Variants in PPARG observed in about 807,000 individuals in gnomAD.
The protein encoded by PPARG is peroxisome proliferator-activated receptor gamma.
PPARG carries 17 observed loss-of-function variants against 39.2 expected under a neutral mutation model. The ratio of observed to expected loss-of-function variants is 0.43; its 90% confidence interval spans 0.30 to 0.65. The LOEUF is 0.65. Ranked by LOEUF, PPARG falls within the 30% of genes least tolerant of loss-of-function variation. PPARG has a pLI of 0.13. For missense variants in PPARG, 406 were observed against 585.9 expected, an observed-to-expected ratio of 0.69 and a Z score of 3.17; for synonymous variants, 223 against 215.7, an observed-to-expected ratio of 1.03 and a Z score of -0.30.
chr3:12,367,437 A>G (rs953245911), intron 2 of PPARG, among the ~76,000 whole-genome samples: 5 of 152,162 alleles, frequency 3.3e-5, no homozygotes, highest in Admixed American at 3.3e-4. Flanking sequence ...AGCAGAAGAA[A>G]TGTTTATATT....
At chr3:12,305,341 C>T (rs555605978) in intron 1 of PPARG, among the ~76,000 whole-genome samples, 52 of 152,204 alleles carry the variant, frequency 3.4e-4, no homozygotes, top group African/African-American at 8.4e-4. Flanking sequence ...CTTTATGAGA[C>T]GAAATAAAGT....
intron 2 of PPARG, among the ~76,000 whole-genome samples, chr3:12,322,156 T>C (rs1304531101): frequency 6.6e-6 from 1 of 152,230 alleles, no homozygotes; most frequent in African/African-American, 2.4e-5. Context: ...TAAAAATACA[T>C]AGATCCCTTT....
At chr3:12,425,950 G>A (rs2125306933) in intron 7 of PPARG, among the ~76,000 whole-genome samples, 1 of 152,324 alleles carries the variant, frequency 6.6e-6, no homozygotes, top group South Asian at 2.1e-4. Flanking sequence ...TGGTGGTGCT[G>A]TTGAGTGGAG....
intron 7 of PPARG, 117 bp from the exon 8 acceptor site, chr3:12,433,781 A>G: frequency 1.3e-6 from 2 of 1,492,400 alleles, no homozygotes; most frequent in South Asian, 2.3e-5. Flanking sequence ...GATACAAAGC[A>G]AAACAAACCA....
At chr3:12,370,062 G>A (rs977604797) in intron 2 of PPARG, among the ~76,000 whole-genome samples, 1 of 152,074 alleles carries the variant, frequency 6.6e-6, no homozygotes, top group African/African-American at 2.4e-5. Context: ...CTTGGTTCTG[G>A]TGGAGAACTC....
chr3:12,291,966 C>T (rs1227020322), intron 1 of PPARG, among the ~76,000 whole-genome samples: 1 of 152,092 alleles, frequency 6.6e-6, no homozygotes, highest in African/African-American at 2.4e-5. Flanking sequence ...ATGATGTGAC[C>T]ATGACCCTGA....
Position 12,405,916 on chromosome 3 carries a change from G to A in PPARG, c.564G>A (p.Lys188=). ...TTGGGCGGATGCCACAGGCCGAGAA[G>A]GAGAAGCTGTTGGCGGAGATCTCCA... is the stretch of plus-strand genomic sequence containing the variant. The part of the protein sequence containing the change: ...IRFGRMPQAE[K]EKLLAEISSD... Residue 188 remains lysine, a synonymous_variant, in exon 6 of 8, where the codon AAG becomes AAA. Transcript: ENST00000651735. 6.2e-7 allele frequency: 1 copy of A among 1,614,170 alleles called. No individual in the cohort carries two copies. Among genetic ancestry groups the A allele is most frequent in the Non-Finnish European group, 8.5e-7 (1 of 1,180,028 alleles).
At chr3:12,424,626 T>C (rs1219106403) in intron 7 of PPARG, among the ~76,000 whole-genome samples, 3 of 152,230 alleles carry the variant, frequency 2.0e-5, no homozygotes, top group African/African-American at 2.4e-5. Flanking sequence ...TGAGGAAGAA[T>C]GAAAACCCAG....
chr3:12,367,685 C>CAAAAAA (rs1021327577), intron 2 of PPARG, among the ~76,000 whole-genome samples: 2 of 121,630 alleles, frequency 1.6e-5, no homozygotes, highest in Non-Finnish European at 3.6e-5. Flanking sequence ...CTTGCCTCTA[C>CAAAAAA]AAAAAAAAAA....
intron 2 of PPARG, among the ~76,000 whole-genome samples, chr3:12,319,962 A>G (rs192076029): frequency 2.0e-5 from 3 of 152,342 alleles, no homozygotes; most frequent in East Asian, 1.9e-4. Flanking sequence ...TTCCAAATGA[A>G]TAAATCAAAA....
At chr3:12,378,602 C>T (rs2049504487) in intron 2 of PPARG, among the ~76,000 whole-genome samples, 1 of 151,976 alleles carries the variant, frequency 6.6e-6, no homozygotes, top group South Asian at 2.1e-4. Flanking sequence ...CCACATGATC[C>T]ACGTGGAATC....
At chr3:12,422,901 AAAAG>A (rs1280682350) in intron 7 of PPARG, among the ~76,000 whole-genome samples, 242 of 152,190 alleles carry the variant, frequency 1.6e-3, no homozygotes, top group African/African-American at 5.6e-3. Flanking sequence ...AAAGAAAAGA[AAAAG>A]AAAAAAGAAT....
chr3:12,348,033 A>G (rs184638114), intron 2 of PPARG, among the ~76,000 whole-genome samples: 33 of 152,366 alleles, frequency 2.2e-4, no homozygotes, highest in African/African-American at 7.2e-4. Context: ...CACACAAAAG[A>G]AAAAGCTATT....
chr3:12,329,239 T>A (rs983739924), intron 2 of PPARG, among the ~76,000 whole-genome samples: 4 of 151,080 alleles, frequency 2.6e-5, no homozygotes, highest in Admixed American at 6.6e-5. Context: ...CTGATGTCAA[T>A]CACTCATTGT....
chr3:12,289,462 A>G (rs1370079821), intron 1 of PPARG, among the ~76,000 whole-genome samples: 3 of 152,214 alleles, frequency 2.0e-5, no homozygotes, highest in Non-Finnish European at 2.9e-5. Context: ...GTTGTATAAT[A>G]CCTATTCCTG....
intron 2 of PPARG, among the ~76,000 whole-genome samples, chr3:12,375,253 A>G (rs866039518): frequency 6.6e-6 from 1 of 152,034 alleles, no homozygotes; most frequent in Non-Finnish European, 1.5e-5. Context: ...TGGGAGAGAG[A>G]GAGAGAGAGA....
intron 7 of PPARG, among the ~76,000 whole-genome samples, chr3:12,422,063 G>T (rs1255041365): frequency 6.6e-6 from 1 of 152,134 alleles, no homozygotes; most frequent in Admixed American, 6.5e-5. Context: ...GGTCCCTGGG[G>T]CTCCCCCATG....
chr3:12,328,483 A>G (rs1251208688), intron 2 of PPARG, among the ~76,000 whole-genome samples: 1 of 152,184 alleles, frequency 6.6e-6, no homozygotes, highest in Non-Finnish European at 1.5e-5. Context: ...ACCTCTGCCC[A>G]GGACACTCTT....
At chr3:12,389,423 G>A (rs547458794) in intron 4 of PPARG, among the ~76,000 whole-genome samples, 7 of 152,092 alleles carry the variant, frequency 4.6e-5, no homozygotes, top group African/African-American at 1.2e-4. Context: ...AACACACTGC[G>A]GTTAAACTGC....
Sources: allele counts gnomAD v4.1 joint callset (sites outside exome capture counted in the v4.1 genomes callset), GRCh38; gene constraint gnomAD v4.1.1; transcripts MANE v1.5; gene names NCBI Gene and HGNC (gene_info 2026-07-23, HGNC 2026-07-21).